The following NOS1 variants were observed in gnomAD, a reference collection of about 807,000 sequenced individuals.
The protein encoded by NOS1 is nitric oxide synthase 1, also known as NOS type I.
Under a neutral mutation model 164.5 loss-of-function variants are expected in NOS1, and 51 were observed. That is an observed-to-expected ratio of 0.31 (90% confidence interval 0.25 to 0.39). The LOEUF (loss-of-function observed/expected upper bound fraction) is 0.39. NOS1 is among the 10% of genes least tolerant of loss of function. NOS1 has a pLI of 1.00. For synonymous variants in NOS1, 719 were observed against 745.8 expected (o/e 0.96, Z 0.59); for missense variants, 1,362 against 1,885.6 (o/e 0.72, Z 5.14).
intron 3 of NOS1, among the ~76,000 whole-genome samples, chr12:117,307,511 C>T (rs1874213378): frequency 6.6e-6 from 1 of 152,050 alleles, no homozygotes; most frequent in African/African-American, 2.4e-5. Context: ...CAGGTGCACG[C>T]CACCAGGCCC....
Position 117,212,999 on chromosome 12 carries a change from T to A in NOS1, c.*2310A>T, listed in dbSNP as rs182678396. 1 of 985,434 alleles carries A rather than the reference T, an allele frequency of 1.0e-6. No individual in the cohort carries two copies. Among genetic ancestry groups the A allele is most frequent in the African/African-American group, 1.7e-5 (1 of 57,360 alleles). The allele number at this position is 985,434 out of a possible 1,614,324, so 61.0% of individuals were successfully genotyped here. A position where few individuals can be genotyped will look rare whatever the true frequency, so the allele number is the denominator to read the frequency against. Reference sequence around the variant, plus strand: ...AATCTTTCTGGAGAAGAAGGATGAATCCTGGTTTTATAATCATTTCTTTGG... The same window carrying A: ...AATCTTTCTGGAGAAGAAGGATGAAACCTGGTTTTATAATCATTTCTTTGG... On this transcript the variant is annotated 3_prime_UTR_variant, in exon 29 of 29. Transcript: ENST00000317775.
intron 5 of NOS1, among the ~76,000 whole-genome samples, chr12:117,287,173 C>CACTGCACTCCAGCCTGGGTG (rs1872762680): frequency 6.6e-6 from 1 of 152,052 alleles, no homozygotes; most frequent in South Asian, 2.1e-4. Flanking sequence ...AAGATCATGC[C>CACTGCACTCCAGCCTGGGTG]ACTGCACTCC....
intron 20 of NOS1, among the ~76,000 whole-genome samples, chr12:117,239,711 CTT>C (rs57331249): frequency 5.5e-5 from 8 of 145,340 alleles, no homozygotes; most frequent in African/African-American, 2.0e-4. Context: ...TTTTCTTCTT[CTT>C]TTTTTTTTTT....
chr12:117,212,443 G>A lies in NOS1; in HGVS notation c.*2866C>T. On this transcript the variant is annotated 3_prime_UTR_variant, in exon 29 of 29. Transcript: ENST00000317775. ...TCTCACTCCAGGGAAACCAAAAGAA[G>A]CCCTCTCTCCTCCCAAGGAGTTTAA... 1.0e-6 allele frequency: 1 copy of A among 985,400 alleles called. No individual in the cohort carries two copies. Among genetic ancestry groups the A allele is most frequent in the Non-Finnish European group, 1.2e-6 (1 of 829,940 alleles). The allele number at this position is 985,400 out of a possible 1,614,324, so 61.0% of individuals were successfully genotyped here.
rs547666815 is a variant in NOS1, at chr12:117,310,278, G to A, written c.852+1188C>T. Reference sequence around the variant, plus strand: ...GTATGGGCACAAGGTCACTCATTACGGCACTGTCATAGCAAAATATTGACA... The same window carrying A: ...GTATGGGCACAAGGTCACTCATTACAGCACTGTCATAGCAAAATATTGACA... On this transcript the variant is annotated intron_variant, in intron 3 of 28. Transcript: ENST00000317775. Among the ~76,000 whole-genome samples, 5 of 152,234 alleles carry A rather than the reference G, an allele frequency of 3.3e-5. No individual in the cohort carries two copies. The South Asian group carries it at 8.3e-4, about 25-fold the overall frequency.
At chr12:117,321,528 C>T (rs1473878053) in intron 2 of NOS1, among the ~76,000 whole-genome samples, 1 of 152,124 alleles carries the variant, frequency 6.6e-6, no homozygotes, top group African/African-American at 2.4e-5. Context: ...GGGTACCCAC[C>T]TGGCAAGACG....
rs573464545 is a variant in NOS1 at position 117,223,415 on chromosome 12, C to T, written c.3827-552G>A. Among the ~76,000 whole-genome samples, 35 of 151,712 alleles carry T rather than the reference C, an allele frequency of 2.3e-4. No individual in the cohort carries two copies. In the South Asian group the frequency reaches 7.3e-3, roughly 32 times the overall value. ...TAGCTGGGATTACAGGTGCCTGCAA[C>T]CGCGCCTGGCTAATTTTTGTATTTT... On this transcript the variant is annotated intron_variant, in intron 25 of 28. Transcript: ENST00000317775.
In NOS1 at chr12:117,290,147, G is replaced by A. The variant is rs1872950617; in HGVS notation, c.981+151C>T. ...TTTTTGGTTGTCACAACCTGGAAGGGGGCGTACTGACATCTAGGGGGTATG... is the reference window on the plus strand; with the variant it reads ...TTTTTGGTTGTCACAACCTGGAAGGAGGCGTACTGACATCTAGGGGGTATG... On this transcript the variant is annotated intron_variant, in intron 4 of 28. Coordinates refer to ENST00000317775, the MANE Select transcript of NOS1 (RefSeq NM_000620.5). 5.1e-6 allele frequency: 4 copies of A among 786,514 alleles called. No homozygotes were observed. In the East Asian group the frequency reaches 1.2e-4, roughly 25 times the overall value. The allele number at this position is 786,514 out of a possible 1,614,324, so 48.7% of individuals were successfully genotyped here.
rs990341445 is a variant in NOS1 at position 117,210,189 on chromosome 12, C to T, written c.*5120G>A. On this transcript the variant is annotated 3_prime_UTR_variant, in exon 29 of 29. Coordinates refer to ENST00000317775, the MANE Select transcript of NOS1 (RefSeq NM_000620.5). The stretch of plus-strand genomic sequence containing the variant: ...AGAGACGAGATTGCGCTGTGTTGCC[C>T]AAGCTGGTCTCAAACTCCTGGCCCC... 1 of 625,756 alleles carries T rather than the reference C, an allele frequency of 1.6e-6. No homozygotes were observed. The highest frequency in any genetic ancestry group is 2.0e-6 in the Non-Finnish European group (1 of 503,754). 38.8% of individuals were successfully genotyped at this position (625,756 alleles called of 1,614,324 possible). A position where few individuals can be genotyped will look rare whatever the true frequency, so the allele number is the denominator to read the frequency against.
chr12:117,210,095 C>A lies in NOS1; in HGVS notation c.*5214G>T, dbSNP rs1956503882. ...CCAAGTGATCCTCCTGCCTCAGCCT[C>A]CCAAGTAGCTGGGACCACAGGAGCA... On this transcript the variant is annotated 3_prime_UTR_variant, in exon 29 of 29. Transcript: ENST00000317775. 7 of 674,134 alleles carry A rather than the reference C, an allele frequency of 1.0e-5. No individual in the cohort carries two copies. Among genetic ancestry groups the A allele is most frequent in the Non-Finnish European group, 1.3e-5 (7 of 545,644 alleles). 41.8% of individuals were successfully genotyped at this position (674,134 alleles called of 1,614,324 possible).
At chr12:117,270,145 G>A (rs573278384) in intron 10 of NOS1, among the ~76,000 whole-genome samples, 15 of 152,332 alleles carry the variant, frequency 9.8e-5, no homozygotes, top group African/African-American at 3.1e-4. Context: ...TCAGGAGCAG[G>A]GAAGACCCAA....
At chr12:117,311,634 AGG>A (rs1874439908) in intron 2 of NOS1, 42 bp from the exon 3 acceptor site, 1 of 1,582,572 alleles carries the variant, frequency 6.3e-7, no homozygotes, top group Admixed American at 1.7e-5. Context: ...GGACATCAGG[AGG>A]GACTTGCTGG....
chr12:117,284,677 T>C (rs556926406), intron 7 of NOS1, among the ~76,000 whole-genome samples: 5 of 152,316 alleles, frequency 3.3e-5, no homozygotes, highest in South Asian at 2.1e-4. Context: ...TTGAACGTGA[T>C]GTTTGCTGCT....
At chr12:117,240,822 CT>C (rs1870103607) in intron 20 of NOS1, among the ~76,000 whole-genome samples, 1 of 152,186 alleles carries the variant, frequency 6.6e-6, no homozygotes, top group Non-Finnish European at 1.5e-5. Context: ...TGTGGCAGAG[CT>C]GGGATTAGAA....
chr12:117,304,642 G>C (rs145566330), intron 3 of NOS1, among the ~76,000 whole-genome samples: 105 of 152,268 alleles, frequency 6.9e-4, no homozygotes, highest in Non-Finnish European at 1.3e-3. Context: ...TTTGCAAGGG[G>C]GTGGTGAAGA....
At position 117,313,603 on chromosome 12, in the gene NOS1, G is replaced by A. The variant is rs181127082; in HGVS notation, c.726-2011C>T. 2.0e-3 allele frequency among the ~76,000 whole-genome samples: 300 copies of A among 152,180 alleles called. 1 individual carries two copies. Among genetic ancestry groups the A allele is most frequent in the Non-Finnish European group, 1.9e-3 (132 of 68,002 alleles). ...GAGCCACCATGCCCGGCCAGAATCC[G>A]ACTTCTTACCCACTAAGTTTTCCTG... On this transcript the variant is annotated intron_variant, in intron 2 of 28. Coordinates refer to ENST00000317775, the MANE Select transcript of NOS1 (RefSeq NM_000620.5).
chr12:117,274,027 C>T (rs967725157), intron 9 of NOS1, among the ~76,000 whole-genome samples: 24 of 152,092 alleles, frequency 1.6e-4, no homozygotes, highest in African/African-American at 4.8e-5. Flanking sequence ...AGTGAAAAGA[C>T]AACCTAAAGA....
chr12:117,216,163 C>T (rs1956606682), intron 28 of NOS1, among the ~76,000 whole-genome samples: 1 of 150,542 alleles, frequency 6.6e-6, no homozygotes, highest in African/African-American at 2.5e-5. Flanking sequence ...CAGGTGTGAG[C>T]CACTGGGCCC....
chr12:117,241,606 A>G (rs1252974056), intron 20 of NOS1, among the ~76,000 whole-genome samples: 1 of 152,042 alleles, frequency 6.6e-6, no homozygotes, highest in Non-Finnish European at 1.5e-5. Context: ...AGTGAAAAAG[A>G]TTCCATTCAA....
Sources: allele counts gnomAD v4.1 joint callset (sites outside exome capture counted in the v4.1 genomes callset), GRCh38; gene constraint gnomAD v4.1.1; transcripts MANE v1.5; gene names NCBI Gene and HGNC (gene_info 2026-07-23, HGNC 2026-07-21).